Variants in SLIT3 observed in about 807,000 individuals in gnomAD.
The protein encoded by SLIT3 is slit guidance ligand 3, also known as slit homolog 3 protein.
A neutral mutation model predicts 184.0 loss-of-function variants in SLIT3; 68 were observed. The observed-to-expected ratio is 0.37, with a 90% CI of 0.30 to 0.45. The LOEUF (loss-of-function observed/expected upper bound fraction) is 0.45, where lower values mean the gene tolerates loss of function less well. Ranked by LOEUF, SLIT3 falls within the 20% of genes least tolerant of loss-of-function variation. The pLI, the probability that SLIT3 is intolerant of heterozygous loss-of-function variation, is 1.00. For missense variants in SLIT3, 1,707 were observed against 2,026.0 expected, an observed-to-expected ratio of 0.84 and a Z score of 3.02; for synonymous variants, 831 against 828.6, an observed-to-expected ratio of 1.00 and a Z score of -0.05.
intron 4 of SLIT3, among the ~76,000 whole-genome samples, chr5:169,118,635 CATAG>C (rs1408824810): frequency 6.6e-6 from 1 of 152,226 alleles, no homozygotes; most frequent in African/African-American, 2.4e-5. Flanking sequence ...TTGTAGGATA[CATAG>C]GTCTGGAGGA....
At chr5:168,929,422 C>T (rs1761921922) in intron 4 of SLIT3, among the ~76,000 whole-genome samples, 1 of 152,140 alleles carries the variant, frequency 6.6e-6, no homozygotes, top group African/African-American at 2.4e-5. Flanking sequence ...GCTATCATGA[C>T]CTTCCTTTTA....
chr5:169,007,709 G>A (rs540107903), intron 4 of SLIT3, among the ~76,000 whole-genome samples: 1 of 152,270 alleles, frequency 6.6e-6, no homozygotes, highest in South Asian at 2.1e-4. Flanking sequence ...CCTCTTAATA[G>A]CGTTTCTTCC....
chr5:169,202,573 T>C (rs1445744452), intron 3 of SLIT3, among the ~76,000 whole-genome samples: 2 of 152,154 alleles, frequency 1.3e-5, no homozygotes, highest in African/African-American at 2.4e-5. Flanking sequence ...GAGCCTTGGT[T>C]GACAGAAGGA....
At chr5:169,238,852 C>A (rs1765294962) in intron 3 of SLIT3, among the ~76,000 whole-genome samples, 1 of 152,096 alleles carries the variant, frequency 6.6e-6, no homozygotes, top group Non-Finnish European at 1.5e-5. Flanking sequence ...TTTGTACTTA[C>A]CATGAATTGG....
intron 5 of SLIT3, among the ~76,000 whole-genome samples, chr5:168,878,181 C>A (rs1370459514): frequency 6.6e-6 from 1 of 152,226 alleles, no homozygotes; most frequent in African/African-American, 2.4e-5. Flanking sequence ...AAATACAGCA[C>A]CTTCCGCCCT....
At chr5:169,270,054 C>T (rs1766545001) in intron 1 of SLIT3, among the ~76,000 whole-genome samples, 1 of 152,168 alleles carries the variant, frequency 6.6e-6, no homozygotes, top group African/African-American at 2.4e-5. Flanking sequence ...CTCTTACAAA[C>T]ATCCATGAAG....
intron 11 of SLIT3, among the ~76,000 whole-genome samples, chr5:168,789,310 C>G (rs1011289175): frequency 6.6e-6 from 1 of 151,870 alleles, no homozygotes; most frequent in South Asian, 2.1e-4. Context: ...AAGATGCATT[C>G]GAATTAGAAG....
intron 16 of SLIT3, among the ~76,000 whole-genome samples, chr5:168,759,555 C>A (rs1416205319): frequency 6.6e-6 from 1 of 152,130 alleles, no homozygotes; most frequent in Non-Finnish European, 1.5e-5. Context: ...CACAAACATG[C>A]AAAACCCACG....
At chr5:169,031,547 G>T (rs922468381) in intron 4 of SLIT3, among the ~76,000 whole-genome samples, 1 of 152,216 alleles carries the variant, frequency 6.6e-6, no homozygotes, top group Non-Finnish European at 1.5e-5. Context: ...ACCGAAGCTA[G>T]ATTTTCTTGG....
intron 4 of SLIT3, among the ~76,000 whole-genome samples, chr5:168,910,285 C>T (rs997268531): frequency 6.6e-5 from 10 of 152,308 alleles, no homozygotes; most frequent in Admixed American, 5.2e-4. Context: ...ACTCAAGTGT[C>T]TAAATGAACA....
At chr5:168,682,795 G>A (rs777721281) in intron 32 of SLIT3, among the ~76,000 whole-genome samples, 16 of 152,182 alleles carry the variant, frequency 1.1e-4, no homozygotes, top group Non-Finnish European at 1.8e-4. Context: ...ATGTGCTCTT[G>A]CCTCTGAGGG....
At chr5:168,776,618 C>T (rs1337656858) in intron 12 of SLIT3, among the ~76,000 whole-genome samples, 1 of 152,170 alleles carries the variant, frequency 6.6e-6, no homozygotes, top group African/African-American at 2.4e-5. Flanking sequence ...TTACGAATGT[C>T]TTGTCTACCC....
intron 4 of SLIT3, among the ~76,000 whole-genome samples, chr5:169,067,346 C>A (rs1270083878): frequency 1.3e-5 from 2 of 152,062 alleles, no homozygotes; most frequent in Non-Finnish European, 1.5e-5. Flanking sequence ...GCAGAAGTTG[C>A]AGTGAGCAGA....
intron 1 of SLIT3, among the ~76,000 whole-genome samples, chr5:169,288,210 A>C (rs1389981993): frequency 6.6e-6 from 1 of 152,080 alleles, no homozygotes; most frequent in Non-Finnish European, 1.5e-5. Flanking sequence ...TGTTTATGAA[A>C]TGCTTCTCAA....
intron 3 of SLIT3, among the ~76,000 whole-genome samples, chr5:169,242,910 C>T (rs1241765172): frequency 6.6e-6 from 1 of 151,550 alleles, no homozygotes; most frequent in Non-Finnish European, 1.5e-5. Context: ...AATGTTTATG[C>T]GAGAGGCTAC....
At position 168,844,647 on chromosome 5, in the gene SLIT3, T is replaced by C. The variant is rs13175226; in HGVS notation, c.494A>G (p.Asp165Gly). 6.2e-7 allele frequency: 1 copy of C among 1,614,122 alleles called. No individual in the cohort carries two copies. Among genetic ancestry groups the C allele is most frequent in the East Asian group, 2.2e-5 (1 of 44,866 alleles). ...TTCAATGCAGCTGATGTGGTTGTTG[T>C]CCAGTTGCCTGTGGAAAAGCAGGGG... is the stretch of plus-strand genomic sequence containing the variant. The part of the protein sequence containing the change: ...GITDVKNLQL[D>G]NNHISCIEDG... Residue 165 changes from aspartate (D) to glycine (G), a missense_variant, in exon 6 of 36, where the codon GAC becomes GGC. Asp to Gly is a moderately conservative substitution (Grantham distance 94). Transcript: ENST00000519560.
At chr5:168,854,971 G>A (rs1758809628) in intron 5 of SLIT3, among the ~76,000 whole-genome samples, 1 of 152,194 alleles carries the variant, frequency 6.6e-6, no homozygotes, top group African/African-American at 2.4e-5. Context: ...TTTCGATCTA[G>A]CTAATACACA....
intron 4 of SLIT3, among the ~76,000 whole-genome samples, chr5:169,179,637 G>A (rs1211316544): frequency 6.6e-6 from 1 of 152,022 alleles, no homozygotes; most frequent in African/African-American, 2.4e-5. Context: ...TCCTGCCACC[G>A]AGTTAGTTTT....
At chr5:168,776,063 T>C (rs2113546914) in intron 12 of SLIT3, among the ~76,000 whole-genome samples, 1 of 152,350 alleles carries the variant, frequency 6.6e-6, no homozygotes, top group Non-Finnish European at 1.5e-5. Context: ...AGAATTTTAC[T>C]TTCGAGGCTG....
Sources: allele counts gnomAD v4.1 joint callset (sites outside exome capture counted in the v4.1 genomes callset), GRCh38; gene constraint gnomAD v4.1.1; transcripts MANE v1.5; gene names NCBI Gene and HGNC (gene_info 2026-07-23, HGNC 2026-07-21).